TRIO: variants seen among roughly 807,000 people sequenced by gnomAD.
TRIO encodes triple functional domain protein.
TRIO carries 58 observed loss-of-function variants against 351.9 expected under a neutral mutation model. That is an observed-to-expected ratio of 0.16 (90% CI 0.13 to 0.21). TRIO has a LOEUF of 0.21. TRIO is among the 10% of genes least tolerant of loss of function. TRIO has a pLI of 1.00. For synonymous variants in TRIO, 1,758 were observed against 1,595.7 expected, an observed-to-expected ratio of 1.10 and a Z score of -2.42; for missense variants, 3,201 against 4,027.8, an observed-to-expected ratio of 0.79 and a Z score of 5.56.
chr5:14,221,187 GT>G (rs1349028337), intron 1 of TRIO, among the ~76,000 whole-genome samples: 1 of 152,150 alleles, frequency 6.6e-6, no homozygotes, highest in African/African-American at 2.4e-5. Context: ...ATGGTTTACT[GT>G]TTTAAGCCCT....
rs1744632642 is a variant in TRIO at position 14,366,779 on chromosome 5, C to A, written c.2755-81C>A. 3.8e-6 allele frequency: 6 copies of A among 1,591,186 alleles called. No homozygotes were observed. The East Asian group carries it at 1.3e-4, about 36-fold the overall frequency. On this transcript the variant is annotated intron_variant, in intron 15 of 56. Transcript: ENST00000344204. ...TGCCAGGAGCAACTGGACTATCTTG[C>A]ACGCTTGTATCTCACCCCTGGTGGT... is the stretch of plus-strand genomic sequence containing the variant.
chr5:14,488,773 A>G, intron 48 of TRIO: 2 of 595,334 alleles, frequency 3.4e-6, no homozygotes, highest in Admixed American at 2.9e-5. Flanking sequence ...AAGCAAACTA[A>G]GATGAAAAAA....
chr5:14,230,286 C>T (rs1353787336), intron 1 of TRIO, among the ~76,000 whole-genome samples: 6 of 151,776 alleles, frequency 4.0e-5, no homozygotes, highest in East Asian at 1.9e-4. Context: ...GGTCTATGCT[C>T]AGGATTTTTA....
chr5:14,199,218 A>AAC lies in TRIO; in HGVS notation c.157+55337_157+55338dup, dbSNP rs1554031818. 4.7e-5 allele frequency among the ~76,000 whole-genome samples: 7 copies of AAC among 149,620 alleles called. No individual in the cohort carries two copies. In the East Asian group the frequency reaches 8.1e-4, roughly 17 times the overall value. ...CTCAAAAAAAAAAAAAAAAAAAAAA[A>AAC]ACCTCCCTAAAAATGCAACTCAAAG... On this transcript the variant is annotated intron_variant, in intron 1 of 56. Transcript: ENST00000344204.
rs758746356 is a variant in TRIO, at chr5:14,301,626, G to A, written c.1369-2835G>A. 5.3e-5 allele frequency among the ~76,000 whole-genome samples: 8 copies of A among 152,206 alleles called. 1 individual carries two copies. In the South Asian group the frequency reaches 1.7e-3, roughly 32 times the overall value. ...GTGAGGGAAGTACCAGTCCCCCCTCGTATGATATCATTGTCATATTAGAAG... is the reference window on the plus strand; with the variant it reads ...GTGAGGGAAGTACCAGTCCCCCCTCATATGATATCATTGTCATATTAGAAG... On this transcript the variant is annotated intron_variant, in intron 7 of 56. Transcript: ENST00000344204.
At chr5:14,288,120 A>G (rs573745149) in intron 4 of TRIO, among the ~76,000 whole-genome samples, 2 of 152,346 alleles carry the variant, frequency 1.3e-5, no homozygotes, top group East Asian at 3.9e-4. Context: ...TTCATAGAGA[A>G]TAGGAAGTAA....
chr5:14,285,140 C>T (rs937468464), intron 3 of TRIO, among the ~76,000 whole-genome samples: 2 of 152,144 alleles, frequency 1.3e-5, no homozygotes, highest in African/African-American at 4.8e-5. Context: ...TGATGTTACC[C>T]GGATTGTAAC....
intron 34 of TRIO, among the ~76,000 whole-genome samples, chr5:14,442,287 C>T (rs1265174190): frequency 1.3e-5 from 2 of 152,098 alleles, no homozygotes; most frequent in Admixed American, 1.3e-4. Context: ...CGCAGAGAGC[C>T]AAGGGGATTT....
rs1755489464 is a variant in TRIO, at chr5:14,481,239, C to A, written c.6342C>A (p.Phe2114Leu). The A allele has an allele frequency of 1.2e-6, 2 of 1,613,818 alleles. No homozygotes were observed. Among genetic ancestry groups the A allele is most frequent in the Admixed American group, 1.7e-5 (1 of 59,978 alleles). The change falls in exon 44 of 57, where the codon TTC becomes TTA. Residue 2114 changes from phenylalanine (F) to leucine (L), a missense_variant. Physicochemically the swap from Phe to Leu is conservative, Grantham distance 22. Transcript: ENST00000344204. Reference sequence around the variant, plus strand: ...CCTCTCCATTTCCCTTGCAGGACTTCCTCAAGTATTCCAAAAAGGCCAGCC... The same window carrying A: ...CCTCTCCATTTCCCTTGCAGGACTTACTCAAGTATTCCAAAAAGGCCAGCC... Reference protein sequence around the residue: ...IMKYQLLLKDFLKYSKKASLD... With the variant: ...IMKYQLLLKDLLKYSKKASLD...
At chr5:14,224,488 TG>T (rs1792851008) in intron 1 of TRIO, among the ~76,000 whole-genome samples, 1 of 152,182 alleles carries the variant, frequency 6.6e-6, no homozygotes, top group South Asian at 2.1e-4. Context: ...TGACATAGTC[TG>T]TAATATTAGC....
chr5:14,323,808 C>G (rs965771516), intron 9 of TRIO, among the ~76,000 whole-genome samples: 1 of 152,226 alleles, frequency 6.6e-6, no homozygotes, highest in Non-Finnish European at 1.5e-5. Flanking sequence ...CCAGTAAACT[C>G]AGAAGGATTC....
Position 14,209,051 on chromosome 5 carries a change from ACAGGTCG to A in TRIO, c.158-61770_158-61764del, listed in dbSNP as rs1791714919. ...AAAATAGTGCACCAGAATTTATTCG[ACAGGTCG>A]CAGTTTGCCATTTTCTGTTTCATCT... On this transcript the variant is annotated intron_variant, in intron 1 of 56. Coordinates refer to ENST00000344204, the MANE Select transcript of TRIO (RefSeq NM_007118.4). Among the ~76,000 whole-genome samples, 3 of 152,356 alleles carry A rather than the reference ACAGGTCG, an allele frequency of 2.0e-5. No individual in the cohort carries two copies. The South Asian group carries it at 6.2e-4, about 32-fold the overall frequency.
chr5:14,185,927 C>A (rs1790081198), intron 1 of TRIO, among the ~76,000 whole-genome samples: 2 of 152,108 alleles, frequency 1.3e-5, no homozygotes, highest in South Asian at 4.1e-4. Flanking sequence ...GTACCTCCGC[C>A]AGTGAAGAAC....
rs200262568 is a variant in TRIO, at chr5:14,507,974, T to C, written c.8846T>C (p.Ile2949Thr). Reference sequence around the variant, plus strand: ...GTTCAGCTCAACACGACCTACTACATCCACCAGTTACTGGGGAACCCTGAA... The same window carrying C: ...GTTCAGCTCAACACGACCTACTACACCCACCAGTTACTGGGGAACCCTGAA... ...DAVQLNTTYY[I>T]HQLLGNPEFA... The change falls in exon 57 of 57, where the codon ATC becomes ACC. Residue 2949 changes from isoleucine (I) to threonine (T), a missense_variant. By Grantham distance (89) the Ile-to-Thr change is moderately conservative. Transcript: ENST00000344204. 1.3e-5 allele frequency: 21 copies of C among 1,614,170 alleles called. No individual in the cohort carries two copies. In the East Asian group the frequency reaches 4.7e-4, roughly 36 times the overall value.
chr5:14,169,404 G>A (rs1788969626), intron 1 of TRIO, among the ~76,000 whole-genome samples: 1 of 151,690 alleles, frequency 6.6e-6, no homozygotes, highest in African/African-American at 2.4e-5. Context: ...CTTTGACCCA[G>A]GTATTACTAA....
At chr5:14,362,431 G>A (rs552321742) in intron 13 of TRIO, among the ~76,000 whole-genome samples, 1 of 152,308 alleles carries the variant, frequency 6.6e-6, no homozygotes, top group South Asian at 2.1e-4. Context: ...GGAGGCATGT[G>A]AGGTTGGCTC....
Position 14,368,812 on chromosome 5 carries a change from G to T in TRIO, c.2979G>T (p.Ala993=), listed in dbSNP as rs570447608. 1 of 1,614,082 alleles carries T rather than the reference G, an allele frequency of 6.2e-7. No homozygotes were observed. Among genetic ancestry groups the T allele is most frequent in the African/African-American group, 1.3e-5 (1 of 75,032 alleles). The change falls in exon 17 of 57, where the codon GCG becomes GCT. Residue 993 remains alanine (A), a synonymous_variant. Transcript: ENST00000344204. ...DMIRDCAEKV[A]SHWQQLMLKM... ...TCCGGGACTGCGCCGAGAAGGTGGC[G>T]TCTCACTGGCAACAGCTCATGCTCA...
At chr5:14,459,018 A>G (rs999970599) in intron 34 of TRIO, among the ~76,000 whole-genome samples, 3 of 152,238 alleles carry the variant, frequency 2.0e-5, no homozygotes, top group Non-Finnish European at 4.4e-5. Flanking sequence ...ACAGAGGGGA[A>G]AGGGTTATCA....
At chr5:14,203,968 T>C (rs935329979) in intron 1 of TRIO, among the ~76,000 whole-genome samples, 35 of 152,392 alleles carry the variant, frequency 2.3e-4, no homozygotes, top group African/African-American at 8.4e-4. Flanking sequence ...CCTCAGAAGA[T>C]GCCTGGTACT....
Sources: allele counts gnomAD v4.1 joint callset (sites outside exome capture counted in the v4.1 genomes callset), GRCh38; gene constraint gnomAD v4.1.1; transcripts MANE v1.5; gene names NCBI Gene and HGNC (gene_info 2026-07-23, HGNC 2026-07-21).